TIAM2: variants seen among roughly 807,000 people sequenced by gnomAD.
TIAM2 encodes the protein rho guanine nucleotide exchange factor TIAM2.
Under a neutral mutation model 152.9 loss-of-function variants are expected in TIAM2, and 80 were observed. The ratio of observed to expected loss-of-function variants is 0.52; its 90% CI spans 0.44 to 0.63. The LOEUF (loss-of-function observed/expected upper bound fraction) is 0.63, where lower values mean the gene tolerates loss of function less well. Ranked by LOEUF, TIAM2 falls within the 30% of genes least tolerant of loss-of-function variation. The pLI, the probability that TIAM2 is intolerant of heterozygous loss-of-function variation, is 0.00. For synonymous variants in TIAM2, 804 were observed against 838.0 expected (o/e 0.96, Z 0.70); for missense variants, 1,965 against 2,120.1 (o/e 0.93, Z 1.44).
chr6:155,178,140 G>A (rs1045191779), intron 10 of TIAM2, among the ~76,000 whole-genome samples: 7 of 138,866 alleles, frequency 5.0e-5, no homozygotes, highest in Admixed American at 7.7e-5. Flanking sequence ...CAGCCTGGGC[G>A]ACAGAGCAAG....
At chr6:155,068,016 T>C (rs1242860593) in intron 1 of TIAM2, among the ~76,000 whole-genome samples, 2 of 152,184 alleles carry the variant, frequency 1.3e-5, no homozygotes, top group Admixed American at 6.5e-5. Context: ...TTTATTACAC[T>C]TAGTCAAGTT....
chr6:155,172,670 ATATATATATATATATAT>A (rs1562341158), intron 9 of TIAM2, among the ~76,000 whole-genome samples: 3 of 9,806 alleles, frequency 3.1e-4, no homozygotes, highest in Non-Finnish European at 4.8e-4. Flanking sequence ...ATATATATAT[ATATATATATATATATAT>A]TTTTTTTTTT....
chr6:155,247,391 C>T (rs1306401733), intron 19 of TIAM2, among the ~76,000 whole-genome samples: 4 of 152,028 alleles, frequency 2.6e-5, no homozygotes, highest in Admixed American at 6.5e-5. Context: ...TGCAGTGGCG[C>T]GATCTTGGCT....
chr6:155,184,976 G>T (rs1231038919), intron 14 of TIAM2, among the ~76,000 whole-genome samples: 1 of 151,958 alleles, frequency 6.6e-6, no homozygotes, highest in Non-Finnish European at 1.5e-5. Flanking sequence ...CCATTTGTTG[G>T]ATTCATTACT....
chr6:155,237,336 A>T (rs1782819116), intron 15 of TIAM2, among the ~76,000 whole-genome samples: 1 of 152,226 alleles, frequency 6.6e-6, no homozygotes. Flanking sequence ...GCTTTAAAGG[A>T]TATAGCCTCC....
chr6:155,080,815 G>C (rs1337553581), intron 1 of TIAM2, among the ~76,000 whole-genome samples: 2 of 152,146 alleles, frequency 1.3e-5, no homozygotes, highest in Admixed American at 1.3e-4. Flanking sequence ...TTGCTATAAA[G>C]TAGCTTTGGA....
chr6:155,111,651 C>T (rs1357718233), intron 2 of TIAM2, among the ~76,000 whole-genome samples: 1 of 152,140 alleles, frequency 6.6e-6, no homozygotes, highest in Non-Finnish European at 1.5e-5. Flanking sequence ...AGAGCCACCT[C>T]CTCTTGTGCG....
chr6:154,997,827 G>A (rs970158315), intron 1 of TIAM2, among the ~76,000 whole-genome samples: 6 of 151,328 alleles, frequency 4.0e-5, no homozygotes, highest in Non-Finnish European at 7.4e-5. Flanking sequence ...TTGTAGAGAG[G>A]GGGTTTCGCC....
At chr6:155,220,848 G>T (rs1056814114) in intron 15 of TIAM2, among the ~76,000 whole-genome samples, 1 of 151,912 alleles carries the variant, frequency 6.6e-6, no homozygotes, top group Non-Finnish European at 1.5e-5. Flanking sequence ...CATGTGCCAC[G>T]CTGGTTTGCT....
chr6:155,052,966 G>A (rs374288394), intron 1 of TIAM2, among the ~76,000 whole-genome samples: 9 of 152,028 alleles, frequency 5.9e-5, no homozygotes, highest in Admixed American at 3.9e-4. Flanking sequence ...GGAGAATTGC[G>A]TTATTAATGA....
At chr6:155,179,490 T>C (rs1450798886) in intron 12 of TIAM2, 34 bp downstream of exon 12, 1 of 1,561,640 alleles carries the variant, frequency 6.4e-7, no homozygotes, top group Non-Finnish European at 8.6e-7. Flanking sequence ...CAGGGAATTG[T>C]GTTGTTCATC....
At chr6:155,164,761 C>G (rs976174474) in intron 8 of TIAM2, among the ~76,000 whole-genome samples, 161 bp downstream of exon 8, 1 of 152,096 alleles carries the variant, frequency 6.6e-6, no homozygotes, top group Non-Finnish European at 1.5e-5. Flanking sequence ...ATGAAGGAGA[C>G]CAGACGTCGT....
intron 1 of TIAM2, among the ~76,000 whole-genome samples, chr6:155,028,508 T>C (rs62651286): frequency 0.1 from 12,497 of 123,902 alleles, 1,457 homozygotes; most frequent in East Asian, 0.26. Context: ...GTGTTACATA[T>C]ATACTACATA....
intron 2 of TIAM2, among the ~76,000 whole-genome samples, chr6:155,124,331 C>CT (rs926381828): frequency 2.0e-5 from 3 of 148,034 alleles, no homozygotes; most frequent in Non-Finnish European, 3.0e-5. Flanking sequence ...AGGTTTTGAA[C>CT]TTTTTTTTTC....
intron 1 of TIAM2, among the ~76,000 whole-genome samples, chr6:155,044,141 C>G (rs994309939): frequency 3.1e-4 from 47 of 152,094 alleles, no homozygotes; most frequent in Admixed American, 6.5e-5. Flanking sequence ...CTAGTTTGTT[C>G]ACATATCTGT....
chr6:155,256,370 G>A, intron 26 of TIAM2, 114 bp from the exon 27 acceptor site: 1 of 1,466,398 alleles, frequency 6.8e-7, no homozygotes, highest in Non-Finnish European at 9.2e-7. Context: ...GCTAACTGAA[G>A]TCATATCATA....
At position 155,257,005 on chromosome 6, in the gene TIAM2, G is replaced by GA; in HGVS notation, c.4994dup (p.Asn1665LysfsTer25). The GA allele has an allele frequency of 1.9e-6, 3 of 1,614,188 alleles. No homozygotes were observed. The highest frequency in any genetic ancestry group is 1.1e-5 in the South Asian group (1 of 91,084). On this transcript the variant is annotated frameshift_variant, in exon 27 of 27. Coordinates refer to ENST00000682666, the MANE Select transcript of TIAM2 (RefSeq NM_012454.4). LOFTEE classifies it high-confidence loss of function. ...TCACCAGTCCCTTGACAGTCAGTCT[G>GA]AAAATGCCACCATCGACCTAAATTC... is the stretch of plus-strand genomic sequence containing the variant.
chr6:155,193,756 C>T (rs1382242714), intron 14 of TIAM2, among the ~76,000 whole-genome samples: 3 of 152,108 alleles, frequency 2.0e-5, no homozygotes, highest in Admixed American at 2.0e-4. Flanking sequence ...TTTGCTGCTC[C>T]ATTGAGGACA....
chr6:155,145,185 G>T (rs117221884), intron 6 of TIAM2, among the ~76,000 whole-genome samples: 1 of 152,180 alleles, frequency 6.6e-6, no homozygotes, highest in African/African-American at 2.4e-5. Context: ...CTCAGTGGAT[G>T]TCAAAAGTTT....
Sources: gnomAD v4.1 joint callset for allele counts (sites outside exome capture counted in the v4.1 genomes callset) on GRCh38, gnomAD v4.1.1 for gene constraint, MANE v1.5 for transcripts, NCBI Gene and HGNC (gene_info 2026-07-23, HGNC 2026-07-21) for gene names.